ITPR2: variants seen among roughly 807,000 people sequenced by gnomAD.
ITPR2 encodes the protein inositol 1,4,5-trisphosphate receptor type 2, also known as inositol 1,4,5-trisphosphate-gated calcium channel ITPR2.
ITPR2 carries 207 observed loss-of-function variants against 317.1 expected under a neutral mutation model. The ratio of observed to expected loss-of-function variants is 0.65; its 90% CI spans 0.58 to 0.73. The LOEUF (loss-of-function observed/expected upper bound fraction) is 0.73. Among genes scored for constraint, ITPR2 ranks in the 30% least tolerant of loss-of-function variants. The pLI is 0.00. For synonymous variants in ITPR2, 1,156 were observed against 1,149.1 expected, an observed-to-expected ratio of 1.01 and a Z score of -0.12; for missense variants, 2,613 against 3,284.0, an observed-to-expected ratio of 0.80 and a Z score of 4.99.
intron 2 of ITPR2, among the ~76,000 whole-genome samples, chr12:26,775,473 A>C (rs1949943666): frequency 6.6e-6 from 1 of 152,226 alleles, no homozygotes; most frequent in Non-Finnish European, 1.5e-5. Context: ...GATGCAAATG[A>C]AAAAGCATCA....
chr12:26,445,475 G>T (rs1240804372), intron 45 of ITPR2, among the ~76,000 whole-genome samples: 1 of 152,108 alleles, frequency 6.6e-6, no homozygotes, highest in Admixed American at 6.6e-5. Flanking sequence ...GAAGAGAAAA[G>T]ACATCAGCAA....
At chr12:26,753,853 A>G (rs1437449281) in intron 2 of ITPR2, among the ~76,000 whole-genome samples, 1 of 152,192 alleles carries the variant, frequency 6.6e-6, no homozygotes, top group Non-Finnish European at 1.5e-5. Context: ...CCTGAAAAAA[A>G]TGGATGAGGT....
intron 32 of ITPR2, among the ~76,000 whole-genome samples, chr12:26,581,684 T>A (rs532987624): frequency 1.3e-5 from 2 of 152,332 alleles, no homozygotes; most frequent in African/African-American, 4.8e-5. Flanking sequence ...TAAAATTTAA[T>A]TTAATTTACA....
intron 34 of ITPR2, among the ~76,000 whole-genome samples, chr12:26,567,132 C>T (rs1179082937): frequency 6.6e-6 from 1 of 152,176 alleles, no homozygotes; most frequent in East Asian, 1.9e-4. Flanking sequence ...GAATCAGGTA[C>T]ATTAGGTGAA....
chr12:26,412,431 G>A (rs552941701), intron 51 of ITPR2, among the ~76,000 whole-genome samples: 6 of 152,084 alleles, frequency 3.9e-5, no homozygotes, highest in Non-Finnish European at 7.4e-5. Context: ...CTGAGTTGAG[G>A]GTGTGCGGGT....
intron 24 of ITPR2, among the ~76,000 whole-genome samples, 166 bp from the exon 25 acceptor site, chr12:26,622,571 C>T (rs1051635342): frequency 6.6e-6 from 1 of 152,088 alleles, no homozygotes; most frequent in African/African-American, 2.4e-5. Flanking sequence ...GATGAGGAAA[C>T]AATCATAAAG....
At chr12:26,625,606 T>C (rs1414959983) in intron 23 of ITPR2, among the ~76,000 whole-genome samples, 1 of 152,206 alleles carries the variant, frequency 6.6e-6, no homozygotes, top group African/African-American at 2.4e-5. Flanking sequence ...ATCAAAAATA[T>C]GTCTAAAAGA....
rs907166586 is a variant in ITPR2 at position 26,425,281 on chromosome 12, G to C, written c.6945+2632C>G. 2.9e-4 allele frequency among the ~76,000 whole-genome samples: 44 copies of C among 151,954 alleles called. 1 individual carries two copies. Among genetic ancestry groups the C allele is most frequent in the Admixed American group, 2.6e-3 (39 of 15,254 alleles). On this transcript the variant is annotated intron_variant, in intron 49 of 56. Coordinates refer to ENST00000381340, the MANE Select transcript of ITPR2 (RefSeq NM_002223.4). Reference sequence around the variant, plus strand: ...TAATCCACATATTATTAAAATTATAGATAAAATTTTTTGTCAATATCTACA... The same window carrying C: ...TAATCCACATATTATTAAAATTATACATAAAATTTTTTGTCAATATCTACA...
intron 26 of ITPR2, among the ~76,000 whole-genome samples, chr12:26,607,447 AT>A (rs146918681): frequency 0.018 from 2,671 of 152,152 alleles, 77 homozygotes; most frequent in African/African-American, 0.062. Flanking sequence ...ATAAGGAGGT[AT>A]TTTTTTCTCC....
chr12:26,366,442 C>A (rs1939013496), intron 55 of ITPR2, among the ~76,000 whole-genome samples: 1 of 152,172 alleles, frequency 6.6e-6, no homozygotes, highest in Non-Finnish European at 1.5e-5. Flanking sequence ...CCAAGAATCA[C>A]CCAACTGTGG....
At chr12:26,617,314 C>T (rs1295915892) in intron 26 of ITPR2, among the ~76,000 whole-genome samples, 1 of 151,956 alleles carries the variant, frequency 6.6e-6, no homozygotes, top group East Asian at 1.9e-4. Flanking sequence ...AAATTTATGC[C>T]AATAAATTCG....
chr12:26,614,552 A>C (rs1946335000), intron 26 of ITPR2, among the ~76,000 whole-genome samples: 1 of 152,234 alleles, frequency 6.6e-6, no homozygotes, highest in Admixed American at 6.5e-5. Flanking sequence ...AATTGCCAAA[A>C]TTTAGAAGCA....
intron 26 of ITPR2, among the ~76,000 whole-genome samples, chr12:26,607,496 G>A (rs1319266345): frequency 3.3e-5 from 5 of 151,948 alleles, no homozygotes; most frequent in African/African-American, 1.2e-4. Flanking sequence ...TAGTCATTTA[G>A]GAAGATATCA....
chr12:26,525,238 A>C (rs1308233848), intron 37 of ITPR2, among the ~76,000 whole-genome samples: 1 of 152,238 alleles, frequency 6.6e-6, no homozygotes, highest in African/African-American at 2.4e-5. Flanking sequence ...TCCCTGCCAA[A>C]CTTTCTGTTG....
chr12:26,705,516 A>C (rs1483789174), intron 9 of ITPR2, among the ~76,000 whole-genome samples: 6 of 152,030 alleles, frequency 3.9e-5, no homozygotes, highest in Non-Finnish European at 4.4e-5. Flanking sequence ...TCTACTCCCT[A>C]ATGATCTTAC....
At chr12:26,716,040 T>C (rs1002025670) in intron 6 of ITPR2, 104 bp downstream of exon 6, 4 of 793,038 alleles carry the variant, frequency 5.0e-6, no homozygotes, top group Non-Finnish European at 8.3e-6. Context: ...TTAGAATAAC[T>C]GGGATTATGC....
At chr12:26,364,856 T>G (rs748603757) in intron 55 of ITPR2, among the ~76,000 whole-genome samples, 1 of 152,330 alleles carries the variant, frequency 6.6e-6, no homozygotes, top group Non-Finnish European at 1.5e-5. Context: ...GCCTCTAGGA[T>G]GAGTCTGTAA....
intron 26 of ITPR2, among the ~76,000 whole-genome samples, chr12:26,605,126 A>AAAAAAAATATATATATATATATAT (rs1555165395): frequency 1.0e-4 from 14 of 136,306 alleles, no homozygotes; most frequent in Admixed American, 2.2e-4. Context: ...AAAAAATAAA[A>AAAAAAAATATATATATATATATAT]ATATATATAT....
intron 2 of ITPR2, among the ~76,000 whole-genome samples, chr12:26,751,509 T>C (rs758607909): frequency 2.3e-4 from 35 of 152,166 alleles, no homozygotes; most frequent in Admixed American, 5.9e-4. Flanking sequence ...ACTCTATATA[T>C]TCTGACAATG....
Sources: gnomAD v4.1 joint callset for allele counts (sites outside exome capture counted in the v4.1 genomes callset) on GRCh38, gnomAD v4.1.1 for gene constraint, MANE v1.5 for transcripts, NCBI Gene and HGNC (gene_info 2026-07-23, HGNC 2026-07-21) for gene names.